The following OTULINL variants were observed in gnomAD, a reference collection of about 807,000 sequenced individuals.
OTULINL encodes the protein inactive ubiquitin thioesterase OTULINL.
OTULINL carries 42 observed loss-of-function variants against 43.9 expected under a neutral mutation model. The ratio of observed to expected loss-of-function variants is 0.96; its 90% CI spans 0.75 to 1.24. The LOEUF (loss-of-function observed/expected upper bound fraction) is 1.24. OTULINL is among the 50% of genes most tolerant of loss of function. The pLI is 0.00. For synonymous variants in OTULINL, 172 were observed against 153.6 expected (o/e 1.12, Z -0.88); for missense variants, 411 against 426.4 (o/e 0.96, Z 0.32).
At chr5:14,582,812 T>A (rs1759033287) in intron 1 of OTULINL, among the ~76,000 whole-genome samples, 1 of 56,340 alleles carries the variant, frequency 1.8e-5, no homozygotes, top group Admixed American at 2.9e-4. Context: ...CCTTGCTCTG[T>A]CCAAAAAAAA....
intron 1 of OTULINL, among the ~76,000 whole-genome samples, chr5:14,598,455 G>A (rs1341140626): frequency 6.6e-6 from 1 of 152,200 alleles, no homozygotes; most frequent in East Asian, 1.9e-4. Flanking sequence ...AACTGAAAAT[G>A]TGCACACCCT....
In OTULINL at chr5:14,612,911, T is replaced by C. The variant is rs928653632; in HGVS notation, c.*2597T>C. ...ACTGTGGTAAAATACACATAACATA[T>C]AGTTTATATTTTAACAATTTTTTTT... On this transcript the variant is annotated 3_prime_UTR_variant, in exon 8 of 8. Coordinates refer to ENST00000274217, the MANE Select transcript of OTULINL (RefSeq NM_019018.3). 1.5e-5 allele frequency among the ~76,000 whole-genome samples: 2 copies of C among 129,350 alleles called. No homozygotes were observed. The highest frequency in any genetic ancestry group is 5.8e-5 in the African/African-American group (2 of 34,384). 84.9% of individuals were successfully genotyped at this position (129,350 alleles called of 152,430 possible).
At chr5:14,599,753 A>G (rs561038538) in intron 1 of OTULINL, among the ~76,000 whole-genome samples, 1 of 152,342 alleles carries the variant, frequency 6.6e-6, no homozygotes, top group East Asian at 1.9e-4. Flanking sequence ...TTATGTGCTC[A>G]AACATAATAA....
rs916704717 is a variant in OTULINL, at chr5:14,610,436, T to G, written c.*122T>G. On this transcript the variant is annotated 3_prime_UTR_variant, in exon 8 of 8. Coordinates refer to ENST00000274217, the MANE Select transcript of OTULINL (RefSeq NM_019018.3). ...AGGAATTAGGACCTTTTCTTCAGGATTACAGGTACACTGGATGCAGCCATG... is the reference window on the plus strand; with the variant it reads ...AGGAATTAGGACCTTTTCTTCAGGAGTACAGGTACACTGGATGCAGCCATG... 8.1e-6 allele frequency: 8 copies of G among 986,746 alleles called. No individual in the cohort carries two copies. The highest frequency in any genetic ancestry group is 2.6e-5 in the Admixed American group (1 of 38,650). 61.1% of individuals were successfully genotyped at this position (986,746 alleles called of 1,614,324 possible).
intron 6 of OTULINL, 94 bp downstream of exon 6, chr5:14,607,552 G>A: frequency 6.8e-7 from 1 of 1,475,458 alleles, no homozygotes. Context: ...ATTGCTTCAT[G>A]TTAGGAAAGT....
At chr5:14,609,770 A>G (rs905453720) in intron 7 of OTULINL, among the ~76,000 whole-genome samples, 1 of 151,976 alleles carries the variant, frequency 6.6e-6, no homozygotes, top group Non-Finnish European at 1.5e-5. Flanking sequence ...AGCTGGGACT[A>G]CAGGCGCCCG....
At chr5:14,589,360 C>T (rs994973478) in intron 1 of OTULINL, among the ~76,000 whole-genome samples, 1 of 152,032 alleles carries the variant, frequency 6.6e-6, no homozygotes, top group African/African-American at 2.4e-5. Context: ...ATGTTTCAGA[C>T]AGAGGGAAGA....
chr5:14,616,104 T>A lies in OTULINL; in HGVS notation c.*5790T>A, dbSNP rs1759667995. Among the ~76,000 whole-genome samples the A allele has an allele frequency of 6.6e-6, 1 of 152,220 alleles. No homozygotes were observed. The highest frequency in any genetic ancestry group is 6.5e-5 in the Admixed American group (1 of 15,284). ...CACCAAGATTAGATTGTTATAAAAG[T>A]TTCTAAACACTTTCAGTTTCTGTAC... On this transcript the variant is annotated 3_prime_UTR_variant, in exon 8 of 8. Transcript: ENST00000274217.
At chr5:14,590,829 A>AG (rs1444830511) in intron 1 of OTULINL, among the ~76,000 whole-genome samples, 1 of 152,176 alleles carries the variant, frequency 6.6e-6, no homozygotes, top group Non-Finnish European at 1.5e-5. Flanking sequence ...ACAATTTGTT[A>AG]GGGTCCTTTC....
At chr5:14,582,109 C>T (rs1759011697) in intron 1 of OTULINL, 151 bp downstream of exon 1, 1 of 506,512 alleles carries the variant, frequency 2.0e-6, no homozygotes, top group Admixed American at 4.9e-5. Context: ...GGAGCTGGAG[C>T]GCGCCCCTGA....
chr5:14,594,512 C>T (rs1332231151), intron 1 of OTULINL, among the ~76,000 whole-genome samples: 1 of 152,170 alleles, frequency 6.6e-6, no homozygotes, highest in Non-Finnish European at 1.5e-5. Context: ...AACCAGCTGA[C>T]AGGAGGACAC....
rs201065638 is a variant in OTULINL at position 14,610,318 on chromosome 5, C to A, written c.*4C>A. 1 of 1,612,084 alleles carries A rather than the reference C, an allele frequency of 6.2e-7. No homozygotes were observed. Among genetic ancestry groups the A allele is most frequent in the Non-Finnish European group, 8.5e-7 (1 of 1,179,866 alleles). On this transcript the variant is annotated 3_prime_UTR_variant, in exon 8 of 8. Transcript: ENST00000274217. ...CTACCACATTCCAGTCTTTTAAGTCCGCTGGGGGCCGAACAGCAGTGCTCA... is the reference window on the plus strand; with the variant it reads ...CTACCACATTCCAGTCTTTTAAGTCAGCTGGGGGCCGAACAGCAGTGCTCA...
Position 14,600,960 on chromosome 5 carries a change from C to G in OTULINL, c.65-5C>G. ...TTTTTTTTTTTTTTTTTGTAATTTT[C>G]ATAGGAAGTGACCAAGTTCACTCCT... On this transcript the variant is annotated splice_region_variant and splice_polypyrimidine_tract_variant and intron_variant, in intron 1 of 7. Coordinates refer to ENST00000274217, the MANE Select transcript of OTULINL (RefSeq NM_019018.3). 1 of 1,074,392 alleles carries G rather than the reference C, an allele frequency of 9.3e-7. No individual in the cohort carries two copies. The highest frequency in any genetic ancestry group is 3.0e-5 in the South Asian group (1 of 33,644). The allele number at this position is 1,074,392 out of a possible 1,614,324, so 66.6% of individuals were successfully genotyped here.
chr5:14,601,075 A>G lies in OTULINL; in HGVS notation c.175A>G (p.Ile59Val), dbSNP rs1759380429. 11 of 1,613,670 alleles carry G rather than the reference A, an allele frequency of 6.8e-6. No individual in the cohort carries two copies. The highest frequency in any genetic ancestry group is 1.7e-5 in the Admixed American group (1 of 59,944). The change falls in exon 2 of 8, where the codon ATC becomes GTC. Residue 59 changes from isoleucine to valine, a missense_variant. Ile to Val is a conservative substitution (Grantham distance 29). Coordinates refer to ENST00000274217, the MANE Select transcript of OTULINL (RefSeq NM_019018.3). ...GGCAGTTTCATTTCTGGTGGCTGCC[A>G]TCTGCTACTTCCGGAGGCTACATTT... is the stretch of plus-strand genomic sequence containing the variant. ...MLAVSFLVAA[I>V]CYFRRLHLYS...
chr5:14,602,463 G>C lies in OTULINL; in HGVS notation c.498+131G>C, dbSNP rs1759405513. 7 of 757,578 alleles carry C rather than the reference G, an allele frequency of 9.2e-6. No individual in the cohort carries two copies. The East Asian group carries it at 1.8e-4, about 20-fold the overall frequency. 46.9% of individuals were successfully genotyped at this position (757,578 alleles called of 1,614,324 possible). On this transcript the variant is annotated intron_variant, in intron 5 of 7. Transcript: ENST00000274217. ...AGATTTTTTTGTTTTTTTGAGACAA[G>C]ATCTCACTGTCACCCAGGATTGAGT... is the stretch of plus-strand genomic sequence containing the variant.
chr5:14,590,216 G>T (rs931644766), intron 1 of OTULINL, among the ~76,000 whole-genome samples: 2 of 152,144 alleles, frequency 1.3e-5, no homozygotes, highest in Non-Finnish European at 2.9e-5. Context: ...AGCAGCTAAG[G>T]GTAGGGGATG....
intron 1 of OTULINL, among the ~76,000 whole-genome samples, chr5:14,598,912 T>TGTG (rs1453470400): frequency 6.6e-6 from 1 of 152,240 alleles, no homozygotes; most frequent in Non-Finnish European, 1.5e-5. Flanking sequence ...ATGTATCACC[T>TGTG]GTGTAAAATT....
At chr5:14,599,811 C>G (rs528363397) in intron 1 of OTULINL, among the ~76,000 whole-genome samples, 1 of 152,290 alleles carries the variant, frequency 6.6e-6, no homozygotes, top group East Asian at 1.9e-4. Flanking sequence ...TGTTTGAACT[C>G]TCTAGTCCTG....
chr5:14,610,076 C>G lies in OTULINL; in HGVS notation c.898-65C>G, dbSNP rs529068197. 7.5e-5 allele frequency: 108 copies of G among 1,434,564 alleles called. 1 individual carries two copies. The East Asian group carries it at 2.5e-3, about 33-fold the overall frequency. 88.9% of individuals were successfully genotyped at this position (1,434,564 alleles called of 1,614,324 possible). A position where few individuals can be genotyped will look rare whatever the true frequency, so the allele number is the denominator to read the frequency against. On this transcript the variant is annotated intron_variant, in intron 7 of 7. Transcript: ENST00000274217. ...TAAACTGCAGAGGAACACTTCCCCC[C>G]ACCGTGGCGGGAGGCAGGAATTTGC...
Sources: gnomAD v4.1 joint callset for allele counts (sites outside exome capture counted in the v4.1 genomes callset) on GRCh38, gnomAD v4.1.1 for gene constraint, MANE v1.5 for transcripts, NCBI Gene and HGNC (gene_info 2026-07-23, HGNC 2026-07-21) for gene names.